Variants in KCNIP4 observed in about 807,000 individuals in gnomAD.
The protein encoded by KCNIP4 is potassium voltage-gated channel interacting protein 4.
Under a neutral mutation model 34.0 loss-of-function variants are expected in KCNIP4, and 12 were observed. That is an observed-to-expected ratio of 0.35 (90% CI 0.23 to 0.57). The LOEUF (loss-of-function observed/expected upper bound fraction) is 0.57. KCNIP4 is among the 20% of genes least tolerant of loss of function. The pLI is 0.83. For missense variants in KCNIP4, 238 were observed against 311.7 expected (o/e 0.76, Z 1.78); for synonymous variants, 124 against 102.2 (o/e 1.21, Z -1.29).
intron 1 of KCNIP4, among the ~76,000 whole-genome samples, chr4:21,009,964 T>A (rs2149730469): frequency 6.6e-6 from 1 of 152,328 alleles, no homozygotes; most frequent in Admixed American, 6.5e-5. Flanking sequence ...AACAGGTATT[T>A]CTCACAGTTC....
At chr4:21,753,055 T>C (rs1190488326) in intron 1 of KCNIP4, among the ~76,000 whole-genome samples, 1 of 152,114 alleles carries the variant, frequency 6.6e-6, no homozygotes, top group East Asian at 1.9e-4. Context: ...CTCATTTCTG[T>C]TTATCAGTTT....
intron 1 of KCNIP4, among the ~76,000 whole-genome samples, chr4:21,125,038 G>A (rs1750493278): frequency 6.6e-6 from 1 of 150,974 alleles, no homozygotes. Context: ...CCTGAATGAT[G>A]CCTCTGCCCC....
intron 1 of KCNIP4, among the ~76,000 whole-genome samples, chr4:21,757,300 A>G (rs553986287): frequency 6.6e-6 from 1 of 151,402 alleles, no homozygotes; most frequent in East Asian, 1.9e-4. Flanking sequence ...AAAAGAAAAG[A>G]AAAGAGAAAA....
intron 2 of KCNIP4, among the ~76,000 whole-genome samples, chr4:20,852,688 C>T (rs1380156579): frequency 6.6e-6 from 1 of 152,146 alleles, no homozygotes; most frequent in Non-Finnish European, 1.5e-5. Flanking sequence ...GTCAAACTGT[C>T]ATTGTTTGTT....
chr4:20,731,665 A>G, intron 8 of KCNIP4: 1 of 985,026 alleles, frequency 1.0e-6, no homozygotes, highest in Non-Finnish European at 1.2e-6. Flanking sequence ...ATGATAGATA[A>G]TATATGAGTG....
In KCNIP4 at chr4:20,901,491, G is replaced by T. The variant is rs946456502; in HGVS notation, c.62-18782C>A. On this transcript the variant is annotated intron_variant, in intron 1 of 8. Coordinates refer to ENST00000382152, the MANE Select transcript of KCNIP4 (RefSeq NM_025221.6). ...AAATTGTGAAAAGCATTATCTACAT[G>T]GTGTCATATTAGTCATCTGGAATGC... Among the ~76,000 whole-genome samples the T allele has an allele frequency of 1.2e-4, 19 of 152,172 alleles. 1 individual carries two copies. In the East Asian group the frequency reaches 2.9e-3, roughly 23 times the overall value.
chr4:20,746,897 T>C (rs1004507177), intron 5 of KCNIP4, among the ~76,000 whole-genome samples: 4 of 152,160 alleles, frequency 2.6e-5, no homozygotes, highest in African/African-American at 7.2e-5. Flanking sequence ...CAGTATGCTA[T>C]TGCTATTATT....
chr4:21,766,055 A>G (rs904159251), intron 1 of KCNIP4, among the ~76,000 whole-genome samples: 3 of 152,058 alleles, frequency 2.0e-5, no homozygotes, highest in Admixed American at 2.0e-4. Flanking sequence ...CTTTTAAAAC[A>G]CCTGATTAAC....
chr4:20,988,575 G>A (rs953731738), intron 1 of KCNIP4, among the ~76,000 whole-genome samples: 1 of 152,138 alleles, frequency 6.6e-6, no homozygotes, highest in African/African-American at 2.4e-5. Flanking sequence ...AAAAATAAGT[G>A]TAGCAAGATT....
intron 1 of KCNIP4, among the ~76,000 whole-genome samples, chr4:21,504,482 AGAAAGAAAGAAAG>A (rs1733656003): frequency 7.6e-6 from 1 of 131,788 alleles, no homozygotes; most frequent in Admixed American, 7.1e-5. Flanking sequence ...AAAAAAAGAA[AGAAAGAAAGAAAG>A]AAAGAAAGAA....
rs915507806 is a variant in KCNIP4 at position 21,431,962 on chromosome 4, T to C, written c.61+516609A>G. ...CTACTGATAAATAATATTTCTCTAG[T>C]TACTGATCAATAATAATGGAGTGCA... On this transcript the variant is annotated intron_variant, in intron 1 of 8. Transcript: ENST00000382152. 2.7e-5 allele frequency among the ~76,000 whole-genome samples: 4 copies of C among 150,618 alleles called. No individual in the cohort carries two copies. In the East Asian group the frequency reaches 7.8e-4, roughly 30 times the overall value.
chr4:21,836,291 G>A (rs1723312967), intron 1 of KCNIP4, among the ~76,000 whole-genome samples: 2 of 151,768 alleles, frequency 1.3e-5, no homozygotes, highest in Admixed American at 6.6e-5. Context: ...CCTTTCTTTA[G>A]ACACCCTGGG....
rs554055569 is a variant in KCNIP4, at chr4:21,062,408, T to C, written c.62-179699A>G. ...ACTGTATTTGGAAATTTTGTGACTA[T>C]AGATGTAATTAGTTAGGATGAGGTC... On this transcript the variant is annotated intron_variant, in intron 1 of 8. Coordinates refer to ENST00000382152, the MANE Select transcript of KCNIP4 (RefSeq NM_025221.6). Among the ~76,000 whole-genome samples the C allele has an allele frequency of 5.9e-5, 9 of 152,200 alleles. No homozygotes were observed. In the East Asian group the frequency reaches 1.7e-3, roughly 29 times the overall value.
intron 1 of KCNIP4, among the ~76,000 whole-genome samples, chr4:21,310,835 A>G (rs1275417049): frequency 6.6e-6 from 1 of 151,816 alleles, no homozygotes; most frequent in Non-Finnish European, 1.5e-5. Flanking sequence ...TCACCATGTT[A>G]GCCAGGACGG....
intron 1 of KCNIP4, among the ~76,000 whole-genome samples, chr4:21,756,469 G>A (rs1247433613): frequency 1.3e-5 from 2 of 151,158 alleles, no homozygotes; most frequent in South Asian, 2.1e-4. Context: ...TACGAGAATT[G>A]CTTGAACCCA....
At chr4:20,920,463 G>A (rs983680416) in intron 1 of KCNIP4, among the ~76,000 whole-genome samples, 1 of 152,138 alleles carries the variant, frequency 6.6e-6, no homozygotes, top group Non-Finnish European at 1.5e-5. Context: ...TGAACATTCT[G>A]CAAGGAGAGG....
intron 1 of KCNIP4, among the ~76,000 whole-genome samples, chr4:20,922,531 G>GTCTA (rs1199761057): frequency 6.5e-5 from 5 of 77,234 alleles, no homozygotes; most frequent in Non-Finnish European, 1.1e-4. Flanking sequence ...CTGTCTGTCT[G>GTCTA]TCTGTCTGTC....
intron 1 of KCNIP4, among the ~76,000 whole-genome samples, chr4:21,103,691 T>A (rs58809781): frequency 6.9e-6 from 1 of 145,752 alleles, no homozygotes; most frequent in African/African-American, 2.6e-5. Context: ...CAATTAACTC[T>A]TCATTTAGCA....
At chr4:20,968,907 C>T (rs1372196785) in intron 1 of KCNIP4, among the ~76,000 whole-genome samples, 2 of 151,838 alleles carry the variant, frequency 1.3e-5, no homozygotes. Context: ...ACACATGTAC[C>T]CTAGAACTTA....
Sources: allele counts gnomAD v4.1 joint callset (sites outside exome capture counted in the v4.1 genomes callset), GRCh38; gene constraint gnomAD v4.1.1; transcripts MANE v1.5; gene names NCBI Gene and HGNC (gene_info 2026-07-23, HGNC 2026-07-21).